Variants in BTN3A3 observed in about 807,000 individuals in gnomAD.
BTN3A3 encodes the protein butyrophilin 3.
BTN3A3 carries 39 observed loss-of-function variants against 43.2 expected under a neutral mutation model. The ratio of observed to expected loss-of-function variants is 0.90; its 90% CI spans 0.70 to 1.18. The LOEUF is 1.18. BTN3A3 is among the 50% of genes most tolerant of loss of function. BTN3A3 has a pLI of 0.00. For synonymous variants in BTN3A3, 255 were observed against 272.7 expected, an observed-to-expected ratio of 0.93 and a Z score of 0.64; for missense variants, 631 against 722.8, an observed-to-expected ratio of 0.87 and a Z score of 1.46.
intron 4 of BTN3A3, 142 bp from the exon 5 acceptor site, chr6:26,445,562 T>G: frequency 9.0e-7 from 1 of 1,114,844 alleles, no homozygotes. Context: ...TAGTTTTCTT[T>G]TCATCATGAC....
intron 3 of BTN3A3, 125 bp from the exon 4 acceptor site, chr6:26,443,832 C>T: frequency 1.4e-6 from 2 of 1,480,768 alleles, no homozygotes; most frequent in Admixed American, 3.8e-5. Flanking sequence ...ACAAATGGTC[C>T]TTCTGTTAGG....
chr6:26,447,457 G>T (rs1296938905), intron 5 of BTN3A3, among the ~76,000 whole-genome samples: 1 of 141,742 alleles, frequency 7.1e-6, no homozygotes, highest in African/African-American at 3.1e-5. Flanking sequence ...CCGCTTCCTG[G>T]GTTGAAGCAA....
chr6:26,448,149 C>T (rs1762830064), intron 5 of BTN3A3, 99 bp from the exon 6 acceptor site: 2 of 1,367,990 alleles, frequency 1.5e-6, no homozygotes, highest in African/African-American at 2.9e-5. Flanking sequence ...AGATGGATTC[C>T]ATGCCCCCAA....
chr6:26,449,684 T>C lies in BTN3A3; in HGVS notation c.987T>C (p.Tyr329=). 1 of 1,614,228 alleles carries C rather than the reference T, an allele frequency of 6.2e-7. No homozygotes were observed. The highest frequency in any genetic ancestry group is 8.5e-7 in the Non-Finnish European group (1 of 1,180,022). Residue 329 remains tyrosine (Y), a synonymous_variant, in exon 9 of 11, where the codon TAT becomes TAC. Coordinates refer to ENST00000244519, the MANE Select transcript of BTN3A3 (RefSeq NM_006994.5). ...TAGGTGGAGAGAAGTCTTTGGCCTA[T>C]CATGGTGAGTGAGCCTGATGCTCTC... ...YMARGEKSLA[Y]HEWKMALFKP...
intron 9 of BTN3A3, among the ~76,000 whole-genome samples, 164 bp from the exon 10 acceptor site, chr6:26,449,943 T>C (rs1168657445): frequency 1.3e-5 from 2 of 152,058 alleles, no homozygotes; most frequent in African/African-American, 4.8e-5. Context: ...CTGACATTGT[T>C]TAGAAGGTGC....
intron 5 of BTN3A3, 113 bp from the exon 6 acceptor site, chr6:26,448,135 C>T: frequency 8.1e-7 from 1 of 1,241,870 alleles, no homozygotes; most frequent in Non-Finnish European, 1.1e-6. Flanking sequence ...TATTTAACCT[C>T]ATGAGATGGA....
chr6:26,443,551 G>A lies in BTN3A3; in HGVS notation c.-5-19G>A. On this transcript the variant is annotated intron_variant, in intron 2 of 10. Coordinates refer to ENST00000244519, the MANE Select transcript of BTN3A3 (RefSeq NM_006994.5). The stretch of plus-strand genomic sequence containing the variant: ...CCATAGTGTCTGTCCCACACCTTCT[G>A]GTATCTCTTGATATGCAGCATAGAT... The A allele has an allele frequency of 1.2e-6, 2 of 1,613,228 alleles. No homozygotes were observed. The highest frequency in any genetic ancestry group is 1.7e-6 in the Non-Finnish European group (2 of 1,179,324).
chr6:26,444,833 C>T (rs2113835596), intron 4 of BTN3A3: 1 of 198,746 alleles, frequency 5.0e-6, no homozygotes, highest in South Asian at 8.9e-5. Flanking sequence ...GGTTTTAGAG[C>T]AGATTTATTT....
rs765977692 is a variant in BTN3A3 at position 26,445,988 on chromosome 6, C to A, written c.715+3C>A. ...GACAGCCAGCATATCCATCGCAGGTCAGTACCCTGCTTGGCCTCAGCTTTA... is the reference window on the plus strand; with the variant it reads ...GACAGCCAGCATATCCATCGCAGGTAAGTACCCTGCTTGGCCTCAGCTTTA... On this transcript the variant is annotated splice_donor_region_variant and intron_variant, in intron 5 of 10. Transcript: ENST00000244519. 3.7e-6 allele frequency: 6 copies of A among 1,613,950 alleles called. No homozygotes were observed. In the Admixed American group the frequency reaches 8.3e-5, roughly 22 times the overall value.
intron 4 of BTN3A3, 129 bp from the exon 5 acceptor site, chr6:26,445,575 C>G (rs1322904379): frequency 1.7e-6 from 2 of 1,204,594 alleles, no homozygotes; most frequent in African/African-American, 1.5e-5. Context: ...ATCATGACCA[C>G]ACTTGTGTAA....
chr6:26,443,993 T>G lies in BTN3A3; in HGVS notation c.122T>G (p.Leu41Arg). Residue 41 changes from leucine to arginine, a missense_variant, in exon 4 of 11, where the codon CTG becomes CGG. By Grantham distance (102) the Leu-to-Arg change is moderately radical. Transcript: ENST00000244519. ...GTGCTTGGACCCTCTGGGCCCATCC[T>G]GGCCATGGTGGGTGAAGACGCTGAT... Reference protein sequence around the residue: ...FSVLGPSGPILAMVGEDADLP... With the variant: ...FSVLGPSGPIRAMVGEDADLP... 1 of 1,613,948 alleles carries G rather than the reference T, an allele frequency of 6.2e-7. No homozygotes were observed. Among genetic ancestry groups the G allele is most frequent in the South Asian group, 1.1e-5 (1 of 91,070 alleles).
Position 26,449,645 on chromosome 6 carries a change from T to C in BTN3A3, c.965-17T>C, listed in dbSNP as rs1236865074. ...AGGCAGTGTTCAGGTGACACCTCTA[T>C]CTTTCTTTCATTGTAGGTGGAGAGA... On this transcript the variant is annotated splice_polypyrimidine_tract_variant and intron_variant, in intron 8 of 10. Transcript: ENST00000244519. 4 of 1,614,142 alleles carry C rather than the reference T, an allele frequency of 2.5e-6. No individual in the cohort carries two copies. The South Asian group carries it at 4.4e-5, about 18-fold the overall frequency.
Position 26,452,456 on chromosome 6 carries a change from C to T in BTN3A3, c.*45C>T. 6.7e-7 allele frequency: 1 copy of T among 1,495,222 alleles called. No homozygotes were observed. Among genetic ancestry groups the T allele is most frequent in the Non-Finnish European group, 9.0e-7 (1 of 1,115,980 alleles). 92.6% of individuals were successfully genotyped at this position (1,495,222 alleles called of 1,614,324 possible). On this transcript the variant is annotated 3_prime_UTR_variant, in exon 11 of 11. Coordinates refer to ENST00000244519, the MANE Select transcript of BTN3A3 (RefSeq NM_006994.5). The stretch of plus-strand genomic sequence containing the variant: ...TATGACAGTTGTTTTGAGTTTCGTA[C>T]CACCTTATTGTCCCCTTATACAGAT...
intron 4 of BTN3A3, chr6:26,445,121 G>C (rs80224983): frequency 1.9e-5 from 3 of 159,522 alleles, no homozygotes; most frequent in Admixed American, 1.7e-4. Context: ...GGGTGGTCTT[G>C]TATTTCCCAT....
chr6:26,444,840 A>G (rs1026971599), intron 4 of BTN3A3: 3 of 192,102 alleles, frequency 1.6e-5, no homozygotes, highest in East Asian at 1.2e-4. Context: ...GAGCAGATTT[A>G]TTTTACAATT....
At chr6:26,448,828 C>T (rs2113841328) in intron 8 of BTN3A3, 74 bp downstream of exon 8, 1 of 1,576,092 alleles carries the variant, frequency 6.3e-7, no homozygotes, top group South Asian at 1.1e-5. Context: ...AATTTTCCAG[C>T]CCATAAGTCT....
intron 4 of BTN3A3, chr6:26,444,701 C>A: frequency 3.1e-6 from 1 of 324,742 alleles, no homozygotes; most frequent in Non-Finnish European, 5.8e-6. Context: ...ACTGTATCTG[C>A]TGCCAGTGTT....
intron 6 of BTN3A3, 61 bp downstream of exon 6, chr6:26,448,509 AC>A (rs1762842551): frequency 6.2e-7 from 1 of 1,607,606 alleles, no homozygotes; most frequent in Non-Finnish European, 8.5e-7. Flanking sequence ...TGAAGATCTC[AC>A]CCCCATTCCC....
chr6:26,446,097 A>G (rs1762773377), intron 5 of BTN3A3, 112 bp downstream of exon 5: 2 of 1,519,694 alleles, frequency 1.3e-6, no homozygotes, highest in Admixed American at 3.7e-5. Flanking sequence ...GGTCTCTACA[A>G]TGCATGTAAG....
Sources: allele counts gnomAD v4.1 joint callset (sites outside exome capture counted in the v4.1 genomes callset), GRCh38; gene constraint gnomAD v4.1.1; transcripts MANE v1.5; gene names NCBI Gene and HGNC (gene_info 2026-07-23, HGNC 2026-07-21).